NTNG1: variants seen among roughly 807,000 people sequenced by gnomAD.
NTNG1 encodes netrin-G1.
A neutral mutation model predicts 54.0 loss-of-function variants in NTNG1; 16 were observed. The observed-to-expected ratio is 0.30, with a 90% confidence interval of 0.20 to 0.45. NTNG1 has a LOEUF of 0.45. Among genes scored for constraint, NTNG1 ranks in the 20% least tolerant of loss-of-function variants. The pLI, the probability that NTNG1 is intolerant of heterozygous loss-of-function variation, is 1.00. For missense variants in NTNG1, 530 were observed against 678.7 expected (o/e 0.78, Z 2.43); for synonymous variants, 255 against 263.1 (o/e 0.97, Z 0.30).
chr1:107,352,650 C>T (rs2100907330), intron 3 of NTNG1, among the ~76,000 whole-genome samples: 1 of 152,322 alleles, frequency 6.6e-6, no homozygotes, highest in South Asian at 2.1e-4. Context: ...CCTGCAAGTC[C>T]AAAACCCAAC....
At chr1:107,326,513 A>G (rs190257779) in intron 3 of NTNG1, among the ~76,000 whole-genome samples, 87 of 152,274 alleles carry the variant, frequency 5.7e-4, no homozygotes, top group Admixed American at 1.6e-3. Flanking sequence ...AGTATGATAT[A>G]TGAAAATAGT....
chr1:107,326,984 C>G (rs1291636900), intron 3 of NTNG1, among the ~76,000 whole-genome samples: 1 of 152,172 alleles, frequency 6.6e-6, no homozygotes, highest in Non-Finnish European at 1.5e-5. Flanking sequence ...TTTCTCCCAT[C>G]TCCCAGACTA....
intron 7 of NTNG1, among the ~76,000 whole-genome samples, chr1:107,439,406 C>T (rs1482131188): frequency 6.6e-6 from 1 of 151,656 alleles, no homozygotes; most frequent in African/African-American, 2.4e-5. Flanking sequence ...TTTATGTTGT[C>T]AGGGAGGAAA....
At chr1:107,228,833 T>G (rs558585144) in intron 2 of NTNG1, among the ~76,000 whole-genome samples, 2 of 152,264 alleles carry the variant, frequency 1.3e-5, no homozygotes, top group East Asian at 3.9e-4. Flanking sequence ...TGGCATAACA[T>G]ATGAACCAGG....
At chr1:107,184,655 TA>T (rs1490355182) in intron 2 of NTNG1, among the ~76,000 whole-genome samples, 2 of 152,174 alleles carry the variant, frequency 1.3e-5, no homozygotes, top group Non-Finnish European at 2.9e-5. Context: ...AGCCTTTTTC[TA>T]CCATGGGCTT....
intron 2 of NTNG1, among the ~76,000 whole-genome samples, chr1:107,308,912 C>T (rs559297306): frequency 4.3e-4 from 65 of 152,228 alleles, no homozygotes; most frequent in African/African-American, 1.4e-3. Flanking sequence ...CATGGGATTG[C>T]GTACCTGATT....
intron 7 of NTNG1, among the ~76,000 whole-genome samples, chr1:107,462,018 T>C (rs775154694): frequency 2.6e-5 from 4 of 152,222 alleles, no homozygotes; most frequent in Non-Finnish European, 5.9e-5. Context: ...TGTTAGTGGC[T>C]TGGACCATTA....
intron 3 of NTNG1, among the ~76,000 whole-genome samples, chr1:107,374,622 TAG>T (rs1409194610): frequency 6.6e-6 from 1 of 152,124 alleles, no homozygotes; most frequent in Non-Finnish European, 1.5e-5. Context: ...TTTGAACATA[TAG>T]AATACAATTA....
At chr1:107,309,118 C>T (rs767604090) in intron 2 of NTNG1, among the ~76,000 whole-genome samples, 3 of 152,150 alleles carry the variant, frequency 2.0e-5, no homozygotes, top group Admixed American at 6.5e-5. Flanking sequence ...AAATTCCTAA[C>T]GGGCTTTCCT....
intron 7 of NTNG1, among the ~76,000 whole-genome samples, chr1:107,449,270 G>A (rs1266355588): frequency 1.3e-5 from 2 of 151,836 alleles, no homozygotes; most frequent in African/African-American, 4.8e-5. Flanking sequence ...ACTATATAAA[G>A]GTTAATTGAG....
intron 7 of NTNG1, among the ~76,000 whole-genome samples, chr1:107,476,514 C>T (rs1558028548): frequency 2.0e-5 from 3 of 152,190 alleles, no homozygotes; most frequent in Admixed American, 6.5e-5. Flanking sequence ...TCTCTCCTGA[C>T]CAAACTCTTC....
intron 2 of NTNG1, among the ~76,000 whole-genome samples, chr1:107,307,548 A>C (rs531267885): frequency 8.5e-5 from 13 of 152,352 alleles, no homozygotes; most frequent in Admixed American, 2.6e-4. Flanking sequence ...AAACTGAGAC[A>C]CAAAGAATTC....
intron 3 of NTNG1, among the ~76,000 whole-genome samples, chr1:107,341,189 T>C (rs921401431): frequency 1.3e-5 from 2 of 152,210 alleles, no homozygotes; most frequent in African/African-American, 4.8e-5. Context: ...TTCACAACAA[T>C]ATATTGGCCC....
intron 2 of NTNG1, among the ~76,000 whole-genome samples, chr1:107,159,314 T>A (rs1043653115): frequency 6.6e-6 from 1 of 152,218 alleles, no homozygotes; most frequent in African/African-American, 2.4e-5. Flanking sequence ...CATGTTCTAT[T>A]TAGCCATCAC....
intron 3 of NTNG1, among the ~76,000 whole-genome samples, chr1:107,365,293 C>T (rs1670526731): frequency 6.6e-6 from 1 of 152,104 alleles, no homozygotes; most frequent in Admixed American, 6.6e-5. Context: ...CTCCATAACT[C>T]CAGCCTGTAT....
At chr1:107,228,870 C>T (rs1263707270) in intron 2 of NTNG1, among the ~76,000 whole-genome samples, 2 of 152,130 alleles carry the variant, frequency 1.3e-5, no homozygotes, top group Non-Finnish European at 2.9e-5. Context: ...GCAAGACAAG[C>T]CATGTGCTGT....
chr1:107,143,569 T>C (rs1653896495), intron 1 of NTNG1, among the ~76,000 whole-genome samples: 1 of 152,112 alleles, frequency 6.6e-6, no homozygotes, highest in Non-Finnish European at 1.5e-5. Context: ...TATGTTAACA[T>C]TGAAATATAT....
intron 2 of NTNG1, among the ~76,000 whole-genome samples, chr1:107,280,684 G>A (rs896303039): frequency 3.3e-5 from 5 of 149,298 alleles, no homozygotes; most frequent in Admixed American, 6.7e-5. Flanking sequence ...TTCAGAGCTC[G>A]TTACTGGGCA....
intron 5 of NTNG1, among the ~76,000 whole-genome samples, chr1:107,419,771 A>G (rs900338148): frequency 6.6e-6 from 1 of 152,034 alleles, no homozygotes; most frequent in African/African-American, 2.4e-5. Flanking sequence ...AAAATATATT[A>G]GTAATTTGTT....
Sources: allele counts gnomAD v4.1 joint callset (sites outside exome capture counted in the v4.1 genomes callset), GRCh38; gene constraint gnomAD v4.1.1; transcripts MANE v1.5; gene names NCBI Gene and HGNC (gene_info 2026-07-23, HGNC 2026-07-21).